DNAH7: variants seen among roughly 807,000 people sequenced by gnomAD.
DNAH7 encodes the protein axonemal beta dynein heavy chain 7.
In DNAH7, 397 loss-of-function variants were observed where a neutral mutation model predicts 444.6. The ratio of observed to expected loss-of-function variants is 0.89; its 90% CI spans 0.82 to 0.97. DNAH7 has a LOEUF of 0.97. Among genes scored for constraint, DNAH7 ranks in the 50% least tolerant of loss-of-function variants. The pLI, the probability that DNAH7 is intolerant of heterozygous loss-of-function variation, is 0.00. For synonymous variants in DNAH7, 1,636 were observed against 1,624.4 expected (o/e 1.01, Z -0.17); for missense variants, 4,902 against 4,800.8 (o/e 1.02, Z -0.62).
chr2:195,882,893 C>A (rs749514021), intron 35 of DNAH7, among the ~76,000 whole-genome samples: 27 of 152,128 alleles, frequency 1.8e-4, no homozygotes, highest in Admixed American at 8.5e-4. Flanking sequence ...TGGGCCAGAA[C>A]GGCACATGAC....
chr2:196,007,990 A>C (rs1179844100), intron 10 of DNAH7, among the ~76,000 whole-genome samples: 7 of 152,190 alleles, frequency 4.6e-5, no homozygotes, highest in Admixed American at 4.6e-4. Context: ...TAGGAGAAAT[A>C]TTTGCAAATA....
chr2:195,740,864 A>G lies in DNAH7; in HGVS notation c.11770T>C (p.Phe3924Leu). Residue 3924 changes from phenylalanine to leucine, a missense_variant, in exon 64 of 65, where the codon TTC becomes CTC. Phe to Leu is a conservative substitution (Grantham distance 22, BLOSUM62 0). Transcript: ENST00000312428. ...CCATCCAGAAATAATCCGTGAATGAAAACACCTAAATATAAAAGAAACACA... is the reference window on the plus strand; with the variant it reads ...CCATCCAGAAATAATCCGTGAATGAGAACACCTAAATATAAAAGAAACACA... Reference protein sequence around the residue: ...EYKHPPEDGVFIHGLFLDGAS... With the variant: ...EYKHPPEDGVLIHGLFLDGAS... The G allele has an allele frequency of 6.5e-7, 1 of 1,538,180 alleles. No homozygotes were observed. Among genetic ancestry groups the G allele is most frequent in the Non-Finnish European group, 8.8e-7 (1 of 1,141,010 alleles).
intron 5 of DNAH7, among the ~76,000 whole-genome samples, chr2:196,042,774 G>A (rs1483884087): frequency 6.6e-6 from 1 of 151,990 alleles, no homozygotes; most frequent in African/African-American, 2.4e-5. Context: ...CAGCAGCTTG[G>A]AAAACAATTT....
At chr2:196,067,014 A>T (rs904438672) in intron 1 of DNAH7, among the ~76,000 whole-genome samples, 1 of 152,222 alleles carries the variant, frequency 6.6e-6, no homozygotes, top group Admixed American at 6.5e-5. Flanking sequence ...TAAGTGGAAA[A>T]TGGAAATCAT....
intron 24 of DNAH7, among the ~76,000 whole-genome samples, chr2:195,918,040 G>A (rs1687794705): frequency 6.6e-6 from 1 of 152,082 alleles, no homozygotes; most frequent in Non-Finnish European, 1.5e-5. Flanking sequence ...ACACGTATCA[G>A]ATAAAAGACT....
At chr2:195,883,460 C>G (rs548710583) in intron 35 of DNAH7, among the ~76,000 whole-genome samples, 10 of 149,642 alleles carry the variant, frequency 6.7e-5, no homozygotes, top group South Asian at 4.3e-4. Flanking sequence ...CTCCCCCCCC[C>G]CAAAAAAAAA....
intron 36 of DNAH7, 135 bp downstream of exon 36, chr2:195,881,659 GC>G: frequency 1.2e-6 from 1 of 838,674 alleles, no homozygotes; most frequent in Non-Finnish European, 1.8e-6. Flanking sequence ...AAAATAAGTG[GC>G]AATTTTTCAA....
At chr2:195,958,217 C>G (rs186578952) in intron 18 of DNAH7, among the ~76,000 whole-genome samples, 1 of 152,012 alleles carries the variant, frequency 6.6e-6, no homozygotes, top group Non-Finnish European at 1.5e-5. Flanking sequence ...GAAGACCAAC[C>G]CCTCCTCTTC....
At chr2:195,918,624 G>C (rs185676404) in intron 24 of DNAH7, among the ~76,000 whole-genome samples, 1 of 152,248 alleles carries the variant, frequency 6.6e-6, no homozygotes, top group East Asian at 1.9e-4. Flanking sequence ...AGACATGGAG[G>C]AAACTTAAAT....
intron 46 of DNAH7, 71 bp downstream of exon 46, chr2:195,853,272 A>G: frequency 7.1e-7 from 1 of 1,407,504 alleles, no homozygotes; most frequent in Non-Finnish European, 9.5e-7. Context: ...CCAAAGTAAA[A>G]CAAAACCTTG....
At chr2:195,766,107 GA>G (rs1436178074) in intron 61 of DNAH7, among the ~76,000 whole-genome samples, 1 of 148,962 alleles carries the variant, frequency 6.7e-6, no homozygotes, top group Admixed American at 6.7e-5. Context: ...TATGTTAAGC[GA>G]AAAAAGCCAG....
intron 12 of DNAH7, chr2:195,995,613 C>A: frequency 3.5e-6 from 1 of 285,078 alleles, no homozygotes. Flanking sequence ...AGAGGGGACC[C>A]GGAGGGCCAA....
chr2:195,863,182 G>T (rs1416517553), intron 41 of DNAH7, among the ~76,000 whole-genome samples: 1 of 152,240 alleles, frequency 6.6e-6, no homozygotes, highest in Non-Finnish European at 1.5e-5. Flanking sequence ...CCAGCTTTTA[G>T]ATTAAGACTT....
At chr2:195,791,912 A>G (rs1202331050) in intron 57 of DNAH7, among the ~76,000 whole-genome samples, 7 of 152,210 alleles carry the variant, frequency 4.6e-5, no homozygotes, top group Non-Finnish European at 5.9e-5. Context: ...CATGCCTGTA[A>G]TCCTAGCACT....
Position 195,872,476 on chromosome 2 carries a change from A to T in DNAH7, c.6414-7T>A. 2 of 1,555,686 alleles carry T rather than the reference A, an allele frequency of 1.3e-6. No individual in the cohort carries two copies. The highest frequency in any genetic ancestry group is 1.2e-5 in the South Asian group (1 of 80,692). On this transcript the variant is annotated splice_region_variant and splice_polypyrimidine_tract_variant and intron_variant, in intron 39 of 64. Coordinates refer to ENST00000312428, the MANE Select transcript of DNAH7 (RefSeq NM_018897.3). ...TTCATCTGGAAATTTATAACTTAAA[A>T]ATTTTTTAAATAAAAAGAAAGGAAA... is the stretch of plus-strand genomic sequence containing the variant.
intron 48 of DNAH7, 135 bp downstream of exon 48, chr2:195,834,071 G>A (rs1319252212): frequency 4.7e-6 from 4 of 843,698 alleles, no homozygotes; most frequent in Non-Finnish European, 7.0e-6. Flanking sequence ...GCCAAGCGTG[G>A]GGGCATGTGC....
In DNAH7 at chr2:195,754,467, G is replaced by A. The variant is rs777713684; in HGVS notation, c.11634C>T (p.Phe3878=). The change falls in exon 63 of 65, where the codon TTC becomes TTT. Residue 3878 remains phenylalanine (F), a synonymous_variant. Transcript: ENST00000312428. ...CGGTCAGGAAGGCTTGTGTGAAGAA[G>A]AAGCCAGAAAGCCAGAAGACTGGAG... ...GPPPVFWLSG[F]FFTQAFLTGA... The A allele has an allele frequency of 1.9e-6, 3 of 1,614,110 alleles. No individual in the cohort carries two copies. Among genetic ancestry groups the A allele is most frequent in the Non-Finnish European group, 2.5e-6 (3 of 1,179,962 alleles).
intron 24 of DNAH7, among the ~76,000 whole-genome samples, chr2:195,918,109 A>G (rs907803862): frequency 6.6e-6 from 1 of 152,246 alleles, no homozygotes; most frequent in African/African-American, 2.4e-5. Context: ...AAACAACCCA[A>G]TTACAAAATG....
At chr2:195,914,646 A>T (rs1346395437) in intron 24 of DNAH7, among the ~76,000 whole-genome samples, 1 of 152,202 alleles carries the variant, frequency 6.6e-6, no homozygotes, top group African/African-American at 2.4e-5. Context: ...TCTGAAAAAC[A>T]TCATTTTATT....
Sources: gnomAD v4.1 joint callset for allele counts (sites outside exome capture counted in the v4.1 genomes callset) on GRCh38, gnomAD v4.1.1 for gene constraint, MANE v1.5 for transcripts, NCBI Gene and HGNC (gene_info 2026-07-23, HGNC 2026-07-21) for gene names.